NFKB2: variants seen among roughly 807,000 people sequenced by gnomAD.
NFKB2 encodes the protein nuclear factor NF-kappa-B p100 subunit.
A neutral mutation model predicts 109.3 loss-of-function variants in NFKB2; 21 were observed. The ratio of observed to expected loss-of-function variants is 0.19; its 90% CI spans 0.14 to 0.28. The LOEUF (loss-of-function observed/expected upper bound fraction) is 0.28. NFKB2 is among the 10% of genes least tolerant of loss of function. The pLI, the probability that NFKB2 is intolerant of heterozygous loss-of-function variation, is 1.00. For missense variants in NFKB2, 806 were observed against 1,185.3 expected, an observed-to-expected ratio of 0.68 and a Z score of 4.70; for synonymous variants, 478 against 489.9, an observed-to-expected ratio of 0.98 and a Z score of 0.32.
Position 102,398,668 on chromosome 10 carries a change from G to T in NFKB2, c.992-71G>T, listed in dbSNP as rs1243439311. On this transcript the variant is annotated intron_variant, in intron 11 of 22. Coordinates refer to ENST00000661543, the MANE Select transcript of NFKB2 (RefSeq NM_001322934.2). The surrounding 1 kb of genome is among the most constrained non-coding windows in gnomAD (Gnocchi z 6.6). ...GTGCTTCCTAGGAGCCGGCCCTGAG[G>T]GCTCTTCTGGGAAGGGCCCCTGAGG... The T allele has an allele frequency of 5.7e-5, 92 of 1,611,646 alleles. No individual in the cohort carries two copies. The highest frequency in any genetic ancestry group is 7.8e-5 in the Non-Finnish European group (92 of 1,179,848).
chr10:102,395,628 C>T, upstream of NFKB2: 1 of 476,712 alleles, frequency 2.1e-6, no homozygotes, highest in Non-Finnish European at 3.8e-6. Flanking sequence ...AGGGCGGGGC[C>T]AGTGGCGTCA....
In NFKB2 at chr10:102,400,313, G is replaced by C. The variant is rs45454603; in HGVS notation, c.1620G>C (p.Thr540=). The C allele has an allele frequency of 6.2e-7, 1 of 1,613,892 alleles. No individual in the cohort carries two copies. The highest frequency in any genetic ancestry group is 8.5e-7 in the Non-Finnish European group (1 of 1,180,036). Residue 540 remains threonine, a synonymous_variant, in exon 16 of 23, where the codon ACG becomes ACC. Coordinates refer to ENST00000661543, the MANE Select transcript of NFKB2 (RefSeq NM_001322934.2). This position sits in a 1 kb window ranked among gnomAD's most constrained non-coding sequence, Gnocchi z 6.3. ...ACCTGGCGGTGATCACGGGGCAGAC[G>C]AGTGTGGTGAGCTTTCTGCTGCGGG... ...PLHLAVITGQ[T]SVVSFLLRVG...
Position 102,401,665 on chromosome 10 carries a change from G to T in NFKB2, c.2294-80G>T. 6.5e-7 allele frequency: 1 copy of T among 1,541,716 alleles called. No individual in the cohort carries two copies. The highest frequency in any genetic ancestry group is 2.3e-5 in the East Asian group (1 of 44,190). ...TGGTCCTGTCTGTCGCTTACCTTGGGAGAAAGGCAGTGTTCAGGTGTCCAT... is the reference window on the plus strand; with the variant it reads ...TGGTCCTGTCTGTCGCTTACCTTGGTAGAAAGGCAGTGTTCAGGTGTCCAT... On this transcript the variant is annotated intron_variant, in intron 20 of 22. Coordinates refer to ENST00000661543, the MANE Select transcript of NFKB2 (RefSeq NM_001322934.2). This position sits in a 1 kb window ranked among gnomAD's most constrained non-coding sequence, Gnocchi z 4.2.
intron 12 of NFKB2, 33 bp from the exon 13 acceptor site, chr10:102,399,255 G>C (rs937948565): frequency 1.3e-6 from 2 of 1,535,084 alleles, no homozygotes; most frequent in African/African-American, 2.8e-5. Flanking sequence ...CATGGCTGGT[G>C]CCCGCTTCCC....
chr10:102,395,817 T>TGGG, intron 1 of NFKB2, 21 bp downstream of exon 1: 2 of 317,144 alleles, frequency 6.3e-6, no homozygotes, highest in Non-Finnish European at 1.1e-5. Context: ...CCCCCAAATC[T>TGGG]GGGCCCCCAT....
Position 102,397,419 on chromosome 10 carries a change from A to C in NFKB2, c.502+11A>C. 3 of 365,388 alleles carry C rather than the reference A, an allele frequency of 8.2e-6. No homozygotes were observed. Among genetic ancestry groups the C allele is most frequent in the African/African-American group, 1.0e-4 (1 of 9,864 alleles). 22.6% of individuals were successfully genotyped at this position (365,388 alleles called of 1,614,324 possible). On this transcript the variant is annotated intron_variant, in intron 7 of 22. Transcript: ENST00000661543. This position sits in a 1 kb window ranked among gnomAD's most constrained non-coding sequence, Gnocchi z 4.7. Reference sequence around the variant, plus strand: ...CCCAGGGCCTTACGGGTATGGGTGCAGGGGGTGGGTCGGGTATGGGTGCAG... The same window carrying C: ...CCCAGGGCCTTACGGGTATGGGTGCCGGGGGTGGGTCGGGTATGGGTGCAG...
chr10:102,398,964 G>C lies in NFKB2; in HGVS notation c.1117+100G>C. On this transcript the variant is annotated intron_variant, in intron 12 of 22. Transcript: ENST00000661543. The surrounding 1 kb of genome is among the most constrained non-coding windows in gnomAD (Gnocchi z 6.6). The stretch of plus-strand genomic sequence containing the variant: ...CGTGGTGGCTCACGCCTGTAATCCA[G>C]CCCTTTGGGAGGCCAAGGCAGGCAG... 1.5e-6 allele frequency: 2 copies of C among 1,351,578 alleles called. No individual in the cohort carries two copies. Among genetic ancestry groups the C allele is most frequent in the Non-Finnish European group, 2.0e-6 (2 of 993,788 alleles). The allele number at this position is 1,351,578 out of a possible 1,614,324, so 83.7% of individuals were successfully genotyped here.
In NFKB2 at chr10:102,398,557, G is replaced by A. The variant is rs576112235; in HGVS notation, c.991+34G>A. The A allele has an allele frequency of 6.5e-5, 105 of 1,609,938 alleles. No individual in the cohort carries two copies. In the East Asian group the frequency reaches 1.6e-3, roughly 24 times the overall value. The stretch of plus-strand genomic sequence containing the variant: ...GGGCTGAGGACCTCAGGGTGCTGGC[G>A]GGGGGCCAGGCTGGGCTAGAAGAAG... On this transcript the variant is annotated intron_variant, in intron 11 of 22. Transcript: ENST00000661543. This position sits in a 1 kb window ranked among gnomAD's most constrained non-coding sequence, Gnocchi z 6.6.
In NFKB2 at chr10:102,399,727, CAG is replaced by C; in HGVS notation, c.1469+12_1469+13del. The stretch of plus-strand genomic sequence containing the variant: ...GACGAGAACGGAGACACGTAGGCAA[CAG>C]AGGGCCTGGCGGACGAGGCGCGGGG... On this transcript the variant is annotated intron_variant, in intron 14 of 22. Transcript: ENST00000661543. 2 of 1,461,300 alleles carry C rather than the reference CAG, an allele frequency of 1.4e-6. No individual in the cohort carries two copies. The highest frequency in any genetic ancestry group is 2.5e-5 in the East Asian group (1 of 39,436). The allele number at this position is 1,461,300 out of a possible 1,614,324, so 90.5% of individuals were successfully genotyped here. A position where few individuals can be genotyped will look rare whatever the true frequency, so the allele number is the denominator to read the frequency against.
Position 102,398,126 on chromosome 10 carries a change from A to T in NFKB2, c.766+41A>T, listed in dbSNP as rs774816477. The T allele has an allele frequency of 1.2e-6, 2 of 1,612,858 alleles. No individual in the cohort carries two copies. Among genetic ancestry groups the T allele is most frequent in the South Asian group, 1.1e-5 (1 of 91,054 alleles). On this transcript the variant is annotated intron_variant, in intron 9 of 22. Coordinates refer to ENST00000661543, the MANE Select transcript of NFKB2 (RefSeq NM_001322934.2). This position sits in a 1 kb window ranked among gnomAD's most constrained non-coding sequence, Gnocchi z 6.6. Reference sequence around the variant, plus strand: ...ACTTTGGGCACCAAGGACATCGAGTATAAGACTGGGGCCAGGGAAGCTCTA... The same window carrying T: ...ACTTTGGGCACCAAGGACATCGAGTTTAAGACTGGGGCCAGGGAAGCTCTA...
At position 102,396,707 on chromosome 10, in the gene NFKB2, A is replaced by C. The variant is rs2061121673; in HGVS notation, c.145-18A>C. The C allele has an allele frequency of 6.2e-7, 1 of 1,607,368 alleles. No homozygotes were observed. Among genetic ancestry groups the C allele is most frequent in the Non-Finnish European group, 8.5e-7 (1 of 1,174,332 alleles). ...GGTCTTCCCTGATCACAATGCTACT[A>C]TGCCCTTGGACCTTCAGAGAGGCTT... On this transcript the variant is annotated intron_variant, in intron 4 of 22. Transcript: ENST00000661543. This position sits in a 1 kb window ranked among gnomAD's most constrained non-coding sequence, Gnocchi z 5.9.
Position 102,399,468 on chromosome 10 carries a change from A to G in NFKB2, c.1298A>G (p.Glu433Gly). 6.7e-7 allele frequency: 1 copy of G among 1,500,912 alleles called. No homozygotes were observed. Among genetic ancestry groups the G allele is most frequent in the African/African-American group, 1.4e-5 (1 of 69,846 alleles). 93.0% of individuals were successfully genotyped at this position (1,500,912 alleles called of 1,614,324 possible). The change falls in exon 13 of 23, where the codon GAG becomes GGG. Residue 433 changes from glutamate to glycine, a missense_variant. Coordinates refer to ENST00000661543, the MANE Select transcript of NFKB2 (RefSeq NM_001322934.2). ...PSAPSRTPQC[E>G]PQAPEMLQRA... ...GCCCCCTCCAGGACCCCCCAGTGCG[A>G]GCCGCAGGCCCCGGAGATGCTGCAG...
upstream of NFKB2, chr10:102,395,678 A>C: frequency 1.0e-5 from 5 of 490,878 alleles, no homozygotes; most frequent in South Asian, 2.9e-5. Context: ...TCCCCTTGGT[A>C]TTTTCGGGAC....
chr10:102,397,460 T>C lies in NFKB2; in HGVS notation c.502+52T>C, dbSNP rs768557923. 2.7e-6 allele frequency: 3 copies of C among 1,107,984 alleles called. No individual in the cohort carries two copies. Among genetic ancestry groups the C allele is most frequent in the Admixed American group, 2.0e-5 (1 of 48,932 alleles). The allele number at this position is 1,107,984 out of a possible 1,614,324, so 68.6% of individuals were successfully genotyped here. On this transcript the variant is annotated intron_variant, in intron 7 of 22. Transcript: ENST00000661543. The surrounding 1 kb of genome is among the most constrained non-coding windows in gnomAD (Gnocchi z 4.7). Reference sequence around the variant, plus strand: ...ATGGGTGCAGGGGGTGGGTGGGTCATGGGAGGTGCTCATGGAAGGAGCAGG... The same window carrying C: ...ATGGGTGCAGGGGGTGGGTGGGTCACGGGAGGTGCTCATGGAAGGAGCAGG...
At position 102,396,588 on chromosome 10, in the gene NFKB2, G is replaced by A. The variant is rs1285362278; in HGVS notation, c.144+99G>A. 1.3e-6 allele frequency: 2 copies of A among 1,590,244 alleles called. No homozygotes were observed. The highest frequency in any genetic ancestry group is 2.7e-5 in the African/African-American group (2 of 74,508). The stretch of plus-strand genomic sequence containing the variant: ...CATGGAGGAGCCATTGCCGAAGGAG[G>A]CCACAGGGGATTGGATGGTCACTGC... On this transcript the variant is annotated intron_variant, in intron 4 of 22. Coordinates refer to ENST00000661543, the MANE Select transcript of NFKB2 (RefSeq NM_001322934.2). The surrounding 1 kb of genome is among the most constrained non-coding windows in gnomAD (Gnocchi z 5.9).
In NFKB2 at chr10:102,401,276, A is replaced by G. The variant is rs1285664613; in HGVS notation, c.2168A>G (p.Asp723Gly). 6.2e-7 allele frequency: 1 copy of G among 1,611,768 alleles called. No individual in the cohort carries two copies. The highest frequency in any genetic ancestry group is 8.5e-7 in the Non-Finnish European group (1 of 1,178,796). ...SDSDSEGPEKDTRSSFRGHTP... is the reference protein window; with the variant it reads ...SDSDSEGPEKGTRSSFRGHTP... ...TCGGACTCTGAAGGGCCTGAGAAGGACACCCGAAGCAGCTTCCGGGGCCAC... is the reference window on the plus strand; with the variant it reads ...TCGGACTCTGAAGGGCCTGAGAAGGGCACCCGAAGCAGCTTCCGGGGCCAC... Residue 723 changes from aspartate (D) to glycine (G), a missense_variant, in exon 19 of 23, where the codon GAC becomes GGC. Transcript: ENST00000661543. The surrounding 1 kb of genome is among the most constrained non-coding windows in gnomAD (Gnocchi z 4.2).
chr10:102,398,228 G>T lies in NFKB2; in HGVS notation c.783G>T (p.Arg261=). Residue 261 remains arginine, a synonymous_variant, in exon 10 of 23, where the codon CGG becomes CGT. Transcript: ENST00000661543. The surrounding 1 kb of genome is among the most constrained non-coding windows in gnomAD (Gnocchi z 6.6). ...TCCTTGTAGATGACATTGAGGTTCG[G>T]TTCTATGAGGATGATGAGAATGGAT... is the stretch of plus-strand genomic sequence containing the variant. The part of the protein sequence containing the change: ...DKVQKDDIEV[R]FYEDDENGWQ... 1 of 1,614,150 alleles carries T rather than the reference G, an allele frequency of 6.2e-7. No individual in the cohort carries two copies. Among genetic ancestry groups the T allele is most frequent in the East Asian group, 2.2e-5 (1 of 44,886 alleles).
rs778911038 is a variant in NFKB2, at chr10:102,400,062, T to C, written c.1470-18T>C. ...TGCTCTGAGTGGCTGGGCCAGACTCTCGCTCCCCAACCCCCAGACCACTGC... is the reference window on the plus strand; with the variant it reads ...TGCTCTGAGTGGCTGGGCCAGACTCCCGCTCCCCAACCCCCAGACCACTGC... On this transcript the variant is annotated intron_variant, in intron 14 of 22. Coordinates refer to ENST00000661543, the MANE Select transcript of NFKB2 (RefSeq NM_001322934.2). The surrounding 1 kb of genome is among the most constrained non-coding windows in gnomAD (Gnocchi z 6.3). 2.5e-6 allele frequency: 4 copies of C among 1,611,986 alleles called. No individual in the cohort carries two copies. Among genetic ancestry groups the C allele is most frequent in the South Asian group, 1.1e-5 (1 of 91,042 alleles).
chr10:102,397,729 G>A lies in NFKB2; in HGVS notation c.661+44G>A, dbSNP rs950186015. 1.9e-6 allele frequency: 3 copies of A among 1,584,016 alleles called. No homozygotes were observed. Among genetic ancestry groups the A allele is most frequent in the Non-Finnish European group, 2.6e-6 (3 of 1,159,648 alleles). Reference sequence around the variant, plus strand: ...TGGGGTGCCAGGCCTGGTGGCAGAGGTGGCATGAGGGGTGACCTCAAGCTG... The same window carrying A: ...TGGGGTGCCAGGCCTGGTGGCAGAGATGGCATGAGGGGTGACCTCAAGCTG... On this transcript the variant is annotated intron_variant, in intron 8 of 22. Transcript: ENST00000661543. The surrounding 1 kb of genome is among the most constrained non-coding windows in gnomAD (Gnocchi z 4.7).
Sources: allele counts gnomAD v4.1 joint callset, GRCh38; gene constraint gnomAD v4.1.1; non-coding constraint Gnocchi (gnomAD v3.1); transcripts MANE v1.5; gene names NCBI Gene and HGNC (gene_info 2026-07-23, HGNC 2026-07-21).